The following HBS1L variants were observed in gnomAD, a reference collection of about 807,000 sequenced individuals.
HBS1L encodes HBS1 like translational GTPase.
A neutral mutation model predicts 88.9 loss-of-function variants in HBS1L; 55 were observed. The observed-to-expected ratio is 0.62, with a 90% CI of 0.50 to 0.77. The LOEUF (loss-of-function observed/expected upper bound fraction) is 0.77. Among genes scored for constraint, HBS1L ranks in the 30% least tolerant of loss-of-function variants. HBS1L has a pLI of 0.00. For synonymous variants in HBS1L, 267 were observed against 288.5 expected (o/e 0.93, Z 0.76); for missense variants, 741 against 829.3 (o/e 0.89, Z 1.31).
intron 4 of HBS1L, chr6:135,036,873 G>A: frequency 6.4e-7 from 1 of 1,551,562 alleles, no homozygotes. Flanking sequence ...TAGCAAAATT[G>A]GAATTCTTCC....
At chr6:134,991,843 G>T (rs567441321) in intron 8 of HBS1L, among the ~76,000 whole-genome samples, 10 of 152,288 alleles carry the variant, frequency 6.6e-5, no homozygotes, top group African/African-American at 2.2e-4. Context: ...GCTGAGGTGG[G>T]GATTGCTTGA....
At chr6:135,011,703 G>A (rs550225718) in intron 4 of HBS1L, among the ~76,000 whole-genome samples, 36 of 152,092 alleles carry the variant, frequency 2.4e-4, no homozygotes, top group Non-Finnish European at 4.6e-4. Context: ...TCAGGAGTTC[G>A]AGACCAGTCT....
intron 4 of HBS1L, among the ~76,000 whole-genome samples, chr6:135,010,593 T>C (rs533095123): frequency 3.3e-5 from 5 of 152,202 alleles, no homozygotes; most frequent in Non-Finnish European, 7.3e-5. Context: ...CATAGATAAA[T>C]AGTATCACAA....
intron 4 of HBS1L, among the ~76,000 whole-genome samples, chr6:135,018,558 A>C (rs1775986041): frequency 6.6e-6 from 1 of 152,034 alleles, no homozygotes; most frequent in Non-Finnish European, 1.5e-5. Context: ...TTTATAATCT[A>C]ATACATGCAA....
rs1354449444 is a variant in HBS1L, at chr6:134,997,462, A to G, written c.734T>C (p.Ile245Thr). Residue 245 changes from isoleucine to threonine, a missense_variant, in exon 6 of 18, where the codon ATA becomes ACA. Physicochemically the swap from Ile to Thr is moderately conservative, Grantham distance 89. Transcript: ENST00000367837. ...VKKSGKLRQQ[I>T]DVKAELEKRQ... Reference sequence around the variant, plus strand: ...CTTCTCCAGTTCCGCCTTCACATCTATTTGCTGCCTCAGCTTGCCAGACTT... The same window carrying G: ...CTTCTCCAGTTCCGCCTTCACATCTGTTTGCTGCCTCAGCTTGCCAGACTT... 2.5e-6 allele frequency: 4 copies of G among 1,613,778 alleles called. No homozygotes were observed. Among genetic ancestry groups the G allele is most frequent in the South Asian group, 2.2e-5 (2 of 91,076 alleles).
chr6:135,050,748 A>C, intron 1 of HBS1L, 101 bp from the exon 2 acceptor site: 1 of 737,712 alleles, frequency 1.4e-6, no homozygotes. Context: ...TAAACTGTTT[A>C]TCAAAATTTA....
intron 2 of HBS1L, among the ~76,000 whole-genome samples, chr6:135,048,928 T>C (rs886929163): frequency 4.6e-5 from 7 of 152,184 alleles, no homozygotes; most frequent in African/African-American, 9.7e-5. Context: ...AGAGTAGATA[T>C]GATAAAGACA....
At chr6:135,052,755 C>T (rs1777128636) in intron 1 of HBS1L, among the ~76,000 whole-genome samples, 1 of 152,124 alleles carries the variant, frequency 6.6e-6, no homozygotes, top group Non-Finnish European at 1.5e-5. Flanking sequence ...ATGTAAAGAA[C>T]ATTGTGCCAG....
At chr6:135,038,006 C>A (rs1776613387) in intron 4 of HBS1L, 4 of 1,516,084 alleles carry the variant, frequency 2.6e-6, no homozygotes, top group Admixed American at 2.3e-5. Flanking sequence ...GCTGAAACTT[C>A]AGAAGAAGAA....
chr6:135,008,671 T>C (rs184342817), intron 4 of HBS1L, among the ~76,000 whole-genome samples: 9 of 152,212 alleles, frequency 5.9e-5, no homozygotes, highest in Admixed American at 5.2e-4. Context: ...GATGCAAAGG[T>C]AGATCTCTCT....
chr6:134,969,263 C>T lies in HBS1L; in HGVS notation c.1873G>A (p.Gly625Ser), dbSNP rs1411705468. 3.1e-6 allele frequency: 5 copies of T among 1,612,836 alleles called. No individual in the cohort carries two copies. Among genetic ancestry groups the T allele is most frequent in the Non-Finnish European group, 4.2e-6 (5 of 1,179,122 alleles). The change falls in exon 16 of 18, where the codon GGT (glycine) becomes AGT (serine). Residue 625 changes from glycine to serine, a missense_variant. Gly to Ser is a moderately conservative substitution (Grantham distance 56). Transcript: ENST00000367837. Reference sequence around the variant, plus strand: ...TTAGGCTTTTTCTTTGTGACTTCACCCGTGCTTTTGTTTAAGACACTAATC... The same window carrying T: ...TTAGGCTTTTTCTTTGTGACTTCACTCGTGCTTTTGTTTAAGACACTAATC... ...RLISVLNKST[G>S]EVTKKKPKFL...
chr6:135,023,505 TTAAA>T (rs1208357973), intron 4 of HBS1L, among the ~76,000 whole-genome samples: 1 of 152,068 alleles, frequency 6.6e-6, no homozygotes, highest in African/African-American at 2.4e-5. Flanking sequence ...ATAAATAATA[TTAAA>T]TAGATATTTG....
At chr6:135,039,517 C>A in intron 4 of HBS1L, 56 bp downstream of exon 4, 1 of 1,379,264 alleles carries the variant, frequency 7.3e-7, no homozygotes, top group Non-Finnish European at 1.0e-6. Context: ...AAACGAAAGC[C>A]TCTCTTTAGG....
In HBS1L at chr6:134,960,803, T is replaced by A. The variant is rs1161703916; in HGVS notation, c.*4476A>T. 6.6e-6 allele frequency: 1 copy of A among 152,202 alleles called. No homozygotes were observed. The highest frequency in any genetic ancestry group is 6.5e-5 in the Admixed American group (1 of 15,284). The allele number at this position is 152,202 out of a possible 1,614,324, so 9.4% of individuals were successfully genotyped here. ...TCTGCCTCATATAATTATAGATATG[T>A]CATGTTAAATGAGTATATGAAAATT... On this transcript the variant is annotated 3_prime_UTR_variant, in exon 18 of 18. Coordinates refer to ENST00000367837, the MANE Select transcript of HBS1L (RefSeq NM_006620.4).
intron 5 of HBS1L, among the ~76,000 whole-genome samples, chr6:135,002,053 A>G (rs1003933585): frequency 2.7e-5 from 4 of 147,240 alleles, no homozygotes; most frequent in Non-Finnish European, 6.0e-5. Flanking sequence ...CAAAATACAT[A>G]TAATTTATAA....
intron 7 of HBS1L, 98 bp downstream of exon 7, chr6:134,996,678 TA>T (rs1775296904): frequency 1.1e-6 from 1 of 885,748 alleles, no homozygotes. Context: ...AAATAATCTC[TA>T]AAGTATTTCA....
intron 2 of HBS1L, among the ~76,000 whole-genome samples, chr6:135,042,735 C>T (rs1776779231): frequency 6.6e-6 from 1 of 151,540 alleles, no homozygotes; most frequent in Non-Finnish European, 1.5e-5. Context: ...ACCGTTTGAA[C>T]CCAGGAGGCG....
chr6:135,054,423 C>A (rs1777183580), intron 1 of HBS1L, among the ~76,000 whole-genome samples: 1 of 152,218 alleles, frequency 6.6e-6, no homozygotes, highest in Non-Finnish European at 1.5e-5. Flanking sequence ...CGCTATGCAG[C>A]ACCTCCCCCT....
intron 1 of HBS1L, among the ~76,000 whole-genome samples, chr6:135,051,156 G>A (rs973990857): frequency 3.3e-5 from 5 of 151,870 alleles, no homozygotes; most frequent in African/African-American, 1.2e-4. Flanking sequence ...AACCCAGGAG[G>A]CAAGGTTGCA....
Sources: gnomAD v4.1 joint callset for allele counts (sites outside exome capture counted in the v4.1 genomes callset) on GRCh38, gnomAD v4.1.1 for gene constraint, MANE v1.5 for transcripts, NCBI Gene and HGNC (gene_info 2026-07-23, HGNC 2026-07-21) for gene names.